PKHD1: variants seen among roughly 807,000 people sequenced by gnomAD.
PKHD1 encodes the protein PKHD1 ciliary IPT domain containing fibrocystin/polyductin.
PKHD1 carries 291 observed loss-of-function variants against 412.0 expected under a neutral mutation model. That is an observed-to-expected ratio of 0.71 (90% CI 0.64 to 0.78). The LOEUF is 0.78. PKHD1 is among the 30% of genes least tolerant of loss of function. The pLI is 0.00. For missense variants in PKHD1, 4,825 were observed against 4,950.7 expected (o/e 0.97, Z 0.76); for synonymous variants, 1,777 against 1,821.5 (o/e 0.98, Z 0.62).
At chr6:51,854,323 T>A (rs949310192) in intron 49 of PKHD1, among the ~76,000 whole-genome samples, 1 of 152,086 alleles carries the variant, frequency 6.6e-6, no homozygotes, top group Non-Finnish European at 1.5e-5. Flanking sequence ...ACCTCTGACC[T>A]CGAGGGGCAC....
intron 52 of PKHD1, among the ~76,000 whole-genome samples, chr6:51,803,664 A>G (rs1162328730): frequency 1.3e-5 from 2 of 151,610 alleles, no homozygotes; most frequent in African/African-American, 4.9e-5. Context: ...ATATATGCCA[A>G]AGAAACAAAC....
Position 51,937,525 on chromosome 6 carries a change from G to T in PKHD1, c.5909-3203C>A, listed in dbSNP as rs1004014865. 2.0e-5 allele frequency among the ~76,000 whole-genome samples: 3 copies of T among 152,136 alleles called. No individual in the cohort carries two copies. In the South Asian group the frequency reaches 6.2e-4, roughly 32 times the overall value. On this transcript the variant is annotated intron_variant, in intron 36 of 66. Transcript: ENST00000371117. ...TTTGACTCAATAGTCAAATATGGAG[G>T]CCACTTCTTCCCTAACTTCTCTTCA...
chr6:51,863,765 G>A (rs1009795575), intron 48 of PKHD1, among the ~76,000 whole-genome samples: 9 of 152,130 alleles, frequency 5.9e-5, no homozygotes, highest in South Asian at 2.1e-4. Flanking sequence ...AAGAAAAGCC[G>A]AATGCTGTGG....
chr6:52,043,930 G>A (rs1208759103), intron 25 of PKHD1, among the ~76,000 whole-genome samples, 200 bp from the exon 26 acceptor site: 1 of 152,100 alleles, frequency 6.6e-6, no homozygotes, highest in Non-Finnish European at 1.5e-5. Flanking sequence ...AAATGATGGT[G>A]GACATGCTGA....
rs193102652 is a variant in PKHD1, at chr6:51,616,731, T to C, written c.*2350A>G. On this transcript the variant is annotated 3_prime_UTR_variant, in exon 67 of 67. Coordinates refer to ENST00000371117, the MANE Select transcript of PKHD1 (RefSeq NM_138694.4). ...GGAATTAGTAAGATAATTATGGTTA[T>C]TCCTACGCAGAGGGATAGGATAAAA... 17 of 398,402 alleles carry C rather than the reference T, an allele frequency of 4.3e-5. No homozygotes were observed. The highest frequency in any genetic ancestry group is 3.5e-4 in the African/African-American group (17 of 48,714). The allele number at this position is 398,402 out of a possible 1,614,324, so 24.7% of individuals were successfully genotyped here.
chr6:51,683,683 G>A (rs16881777), intron 60 of PKHD1, among the ~76,000 whole-genome samples: 30,278 of 151,762 alleles, frequency 0.2, 3,908 homozygotes, highest in African/African-American at 0.37. Flanking sequence ...GGTAAATTCC[G>A]GGGGCAGTGT....
chr6:51,829,210 G>C (rs1271171778), intron 52 of PKHD1, among the ~76,000 whole-genome samples: 1 of 152,064 alleles, frequency 6.6e-6, no homozygotes, highest in African/African-American at 2.4e-5. Flanking sequence ...CAGCTTCACG[G>C]AGAATTCAGG....
chr6:51,987,678 G>A (rs1217363292), intron 35 of PKHD1, among the ~76,000 whole-genome samples: 1 of 151,350 alleles, frequency 6.6e-6, no homozygotes. Flanking sequence ...CCAGTCAAAA[G>A]GTGAGCCCAA....
chr6:51,865,482 A>T (rs1449176241), intron 48 of PKHD1, among the ~76,000 whole-genome samples: 1 of 152,172 alleles, frequency 6.6e-6, no homozygotes, highest in Non-Finnish European at 1.5e-5. Flanking sequence ...AATAACTTAT[A>T]GTGAAAATGG....
At chr6:51,689,045 A>C (rs1777820793) in intron 60 of PKHD1, among the ~76,000 whole-genome samples, 3 of 152,180 alleles carry the variant, frequency 2.0e-5, no homozygotes, top group Non-Finnish European at 1.5e-5. Context: ...TACAACAAAA[A>C]AAAGAAAACT....
chr6:51,830,745 A>G (rs1000664081), intron 52 of PKHD1, 116 bp downstream of exon 52: 18 of 996,076 alleles, frequency 1.8e-5, no homozygotes, highest in African/African-American at 4.8e-5. Context: ...ATGAAACAAC[A>G]TAAGTGCCTA....
At chr6:51,701,051 G>A (rs1290463267) in intron 60 of PKHD1, among the ~76,000 whole-genome samples, 1 of 152,046 alleles carries the variant, frequency 6.6e-6, no homozygotes, top group Admixed American at 6.6e-5. Flanking sequence ...AGCTGAAAAT[G>A]TACTCTTTAA....
chr6:51,735,413 G>A (rs1783711943), intron 60 of PKHD1, among the ~76,000 whole-genome samples: 1 of 152,084 alleles, frequency 6.6e-6, no homozygotes, highest in South Asian at 2.1e-4. Flanking sequence ...ATAATGCCTG[G>A]CACATGGAAT....
intron 52 of PKHD1, among the ~76,000 whole-genome samples, chr6:51,791,651 AAC>A (rs1311144557): frequency 6.6e-6 from 1 of 152,202 alleles, no homozygotes; most frequent in African/African-American, 2.4e-5. Flanking sequence ...GTGCAGTGGA[AAC>A]ACACAGATCG....
intron 36 of PKHD1, among the ~76,000 whole-genome samples, chr6:51,943,736 C>T (rs1275191374): frequency 6.6e-6 from 1 of 151,458 alleles, no homozygotes; most frequent in East Asian, 1.9e-4. Context: ...CATATCCAGG[C>T]CATCACCAAT....
At chr6:51,954,440 G>C (rs1790817902) in intron 36 of PKHD1, among the ~76,000 whole-genome samples, 1 of 152,172 alleles carries the variant, frequency 6.6e-6, no homozygotes. Context: ...ATACTGCCAA[G>C]CATTTAACTG....
Position 52,025,184 on chromosome 6 carries a change from G to A in PKHD1, c.4626C>T (p.Asp1542=), listed in dbSNP as rs755994394. The A allele has an allele frequency of 6.2e-7, 1 of 1,614,206 alleles. No individual in the cohort carries two copies. The highest frequency in any genetic ancestry group is 8.5e-7 in the Non-Finnish European group (1 of 1,180,032). ...ACAGGTAGTGGGGTCCTGGGGCCAA[G>A]TCTCTTGTCTGGCACACAACGTGGC... ...NASHVVCQTR[D]LAPGPHYLSV... The change falls in exon 32 of 67, where the codon GAC becomes GAT. Residue 1542 remains aspartate (D), a synonymous_variant. Coordinates refer to ENST00000371117, the MANE Select transcript of PKHD1 (RefSeq NM_138694.4).
At chr6:51,882,955 T>C in intron 46 of PKHD1, 138 bp downstream of exon 46, 6 of 708,492 alleles carry the variant, frequency 8.5e-6, no homozygotes, top group South Asian at 6.2e-5. Flanking sequence ...AATAAAAAGG[T>C]CTTTTAACTT....
chr6:51,767,386 T>C (rs1789250571), intron 55 of PKHD1, among the ~76,000 whole-genome samples: 1 of 152,152 alleles, frequency 6.6e-6, no homozygotes, highest in Non-Finnish European at 1.5e-5. Flanking sequence ...GTGCACAACG[T>C]GCAGGTTTGT....
Sources: gnomAD v4.1 joint callset for allele counts (sites outside exome capture counted in the v4.1 genomes callset) on GRCh38, gnomAD v4.1.1 for gene constraint, MANE v1.5 for transcripts, NCBI Gene and HGNC (gene_info 2026-07-23, HGNC 2026-07-21) for gene names.